The following KATNIP variants were observed in gnomAD, a reference collection of about 807,000 sequenced individuals.
KATNIP encodes katanin-interacting protein.
A neutral mutation model predicts 174.0 loss-of-function variants in KATNIP; 126 were observed. The observed-to-expected ratio is 0.72, with a 90% CI of 0.63 to 0.84. KATNIP has a LOEUF of 0.84. Among genes scored for constraint, KATNIP ranks in the 40% least tolerant of loss-of-function variants. The probability of loss-of-function intolerance (pLI) is 0.00; values close to 1 mark genes in which losing one functional copy is unlikely to be tolerated. For missense variants in KATNIP, 1,958 were observed against 2,109.7 expected, an observed-to-expected ratio of 0.93 and a Z score of 1.41; for synonymous variants, 810 against 835.7, an observed-to-expected ratio of 0.97 and a Z score of 0.53.
intron 1 of KATNIP, among the ~76,000 whole-genome samples, chr16:27,567,060 C>T (rs1418612878): frequency 6.6e-6 from 1 of 152,168 alleles, no homozygotes; most frequent in Non-Finnish European, 1.5e-5. Flanking sequence ...TCTTATCTCT[C>T]ACACATTACT....
chr16:27,612,588 G>A (rs937386636), intron 2 of KATNIP, among the ~76,000 whole-genome samples: 10 of 151,924 alleles, frequency 6.6e-5, no homozygotes, highest in East Asian at 1.9e-4. Context: ...GTGAAACCCC[G>A]TCTCTAGTAA....
intron 6 of KATNIP, among the ~76,000 whole-genome samples, chr16:27,674,426 G>C (rs1177262964): frequency 6.6e-6 from 1 of 152,220 alleles, no homozygotes; most frequent in African/African-American, 2.4e-5. Context: ...AGGCTCGAGA[G>C]GAAAGCTCAT....
intron 18 of KATNIP, among the ~76,000 whole-genome samples, chr16:27,757,054 A>G (rs1020722298): frequency 6.6e-6 from 1 of 151,974 alleles, no homozygotes; most frequent in East Asian, 1.9e-4. Flanking sequence ...TGAGTCATGT[A>G]CCCATTCTCT....
chr16:27,590,381 C>T (rs929921402), intron 2 of KATNIP, among the ~76,000 whole-genome samples: 3 of 151,222 alleles, frequency 2.0e-5, no homozygotes, highest in Admixed American at 6.6e-5. Context: ...CACATGTTGC[C>T]CAGCTTGGTC....
chr16:27,727,869 C>T (rs189101714), intron 14 of KATNIP: 1 of 152,346 alleles, frequency 6.6e-6, no homozygotes, highest in African/African-American at 2.4e-5. Flanking sequence ...GTATACATCT[C>T]TAACAAAAAA....
intron 6 of KATNIP, 38 bp downstream of exon 6, chr16:27,648,773 A>T: frequency 6.2e-7 from 1 of 1,600,556 alleles, no homozygotes; most frequent in Non-Finnish European, 8.5e-7. Flanking sequence ...GGACACCTGA[A>T]GGACGGCGAG....
intron 15 of KATNIP, among the ~76,000 whole-genome samples, chr16:27,747,242 C>T (rs975950464): frequency 6.6e-6 from 1 of 152,162 alleles, no homozygotes; most frequent in African/African-American, 2.4e-5. Context: ...CAGGAGGTAT[C>T]AAATGGAAGA....
At chr16:27,587,900 C>T (rs1261654227) in intron 2 of KATNIP, among the ~76,000 whole-genome samples, 2 of 149,584 alleles carry the variant, frequency 1.3e-5, no homozygotes, top group East Asian at 3.9e-4. Context: ...TTTCCCTTTC[C>T]TTTTTCTTTT....
chr16:27,734,850 C>T (rs2080840844), intron 14 of KATNIP, among the ~76,000 whole-genome samples: 1 of 152,198 alleles, frequency 6.6e-6, no homozygotes, highest in South Asian at 2.1e-4. Context: ...CTTAGCATGC[C>T]AGCCATAGTG....
At chr16:27,679,901 C>T (rs889833219) in intron 7 of KATNIP, among the ~76,000 whole-genome samples, 2 of 152,134 alleles carry the variant, frequency 1.3e-5, no homozygotes, top group African/African-American at 4.8e-5. Context: ...TGAGCTGTTC[C>T]CTCTGCCCAG....
At chr16:27,671,094 G>A (rs1379858367) in intron 6 of KATNIP, among the ~76,000 whole-genome samples, 3 of 152,178 alleles carry the variant, frequency 2.0e-5, no homozygotes, top group African/African-American at 7.2e-5. Flanking sequence ...TCGGGAGGCT[G>A]AGGCAGGAGA....
chr16:27,735,505 C>A (rs1441053344), intron 14 of KATNIP, among the ~76,000 whole-genome samples: 1 of 152,226 alleles, frequency 6.6e-6, no homozygotes, highest in South Asian at 2.1e-4. Context: ...CCATGCTGTC[C>A]TTCTCAAATA....
rs150674739 is a variant in KATNIP at position 27,669,361 on chromosome 16, G to A, written c.541-8368G>A. 116 of 958,836 alleles carry A rather than the reference G, an allele frequency of 1.2e-4. No individual in the cohort carries two copies. In the East Asian group the frequency reaches 9.9e-3, roughly 82 times the overall value. 59.4% of individuals were successfully genotyped at this position (958,836 alleles called of 1,614,324 possible). ...CATTTGTGTGCAGTCCCTGTCATCC[G>A]ATCTCCACCTGCGGTGTTGGCAGCC... On this transcript the variant is annotated intron_variant, in intron 6 of 27. Coordinates refer to ENST00000261588, the MANE Select transcript of KATNIP (RefSeq NM_015202.5).
chr16:27,648,804 C>A (rs1007968697), intron 6 of KATNIP, 69 bp downstream of exon 6: 5 of 1,526,388 alleles, frequency 3.3e-6, no homozygotes, highest in Non-Finnish European at 4.5e-6. Context: ...GCAGTGGCCC[C>A]TCGGGGCACT....
chr16:27,731,757 T>C (rs1274813022), intron 14 of KATNIP, among the ~76,000 whole-genome samples: 2 of 152,170 alleles, frequency 1.3e-5, no homozygotes, highest in African/African-American at 2.4e-5. Context: ...TAGCTGGGAT[T>C]ACATGTGTGT....
chr16:27,674,601 C>T (rs149949868), intron 6 of KATNIP, among the ~76,000 whole-genome samples: 53 of 152,312 alleles, frequency 3.5e-4, no homozygotes, highest in African/African-American at 6.0e-4. Flanking sequence ...CTCATAAGGA[C>T]GCCTATGATT....
intron 6 of KATNIP, chr16:27,654,505 G>A (rs1484521628): frequency 2.0e-6 from 2 of 1,000,280 alleles, no homozygotes; most frequent in East Asian, 4.9e-5. Context: ...TTAATGAGGA[G>A]AAGATGGGAG....
intron 6 of KATNIP, among the ~76,000 whole-genome samples, chr16:27,662,624 G>C (rs2142513046): frequency 6.6e-6 from 1 of 152,292 alleles, no homozygotes; most frequent in Non-Finnish European, 1.5e-5. Flanking sequence ...GAGATGTAGT[G>C]ATCCCATCCC....
intron 6 of KATNIP, chr16:27,669,333 A>T (rs1004692802): frequency 1.3e-5 from 13 of 984,046 alleles, no homozygotes; most frequent in Non-Finnish European, 1.6e-5. Context: ...CAGTGAGGAG[A>T]CCCATTTGTG....
Sources: allele counts gnomAD v4.1 joint callset (sites outside exome capture counted in the v4.1 genomes callset), GRCh38; gene constraint gnomAD v4.1.1; transcripts MANE v1.5; gene names NCBI Gene and HGNC (gene_info 2026-07-23, HGNC 2026-07-21).